The following MYT1 variants were observed in gnomAD, a reference collection of about 807,000 sequenced individuals.
The protein encoded by MYT1 is myelin transcription factor I.
MYT1 carries 23 observed loss-of-function variants against 123.0 expected under a neutral mutation model. The observed-to-expected ratio is 0.19, with a 90% CI of 0.13 to 0.26. The LOEUF is 0.26. Among genes scored for constraint, MYT1 ranks in the 10% least tolerant of loss-of-function variants. MYT1 has a pLI of 1.00. For missense variants in MYT1, 1,125 were observed against 1,472.5 expected, an observed-to-expected ratio of 0.76 and a Z score of 3.86; for synonymous variants, 518 against 575.3, an observed-to-expected ratio of 0.90 and a Z score of 1.43.
chr20:64,170,722 T>G (rs1287177566), intron 1 of MYT1, among the ~76,000 whole-genome samples: 1 of 150,894 alleles, frequency 6.6e-6, no homozygotes, highest in Non-Finnish European at 1.5e-5. Context: ...CCTCATTTTA[T>G]TTCCACGAAG....
rs866710042 is a variant in MYT1, at chr20:64,235,688, T to C, written c.2898-867T>C. On this transcript the variant is annotated intron_variant, in intron 19 of 22. Transcript: ENST00000328439. ...GCCGTGGTGGGTGACACTGGGCTGG[T>C]GGTGGTGGGTGACCCTTGGCTGGCC... 8.3e-3 allele frequency among the ~76,000 whole-genome samples: 480 copies of C among 57,942 alleles called. 4 individuals are homozygous for C. Among genetic ancestry groups the C allele is most frequent in the African/African-American group, 0.029 (386 of 13,280 alleles). The allele number at this position is 57,942 out of a possible 152,430, so 38.0% of individuals were successfully genotyped here. A position where few individuals can be genotyped will look rare whatever the true frequency, so the allele number is the denominator to read the frequency against.
At chr20:64,238,975 G>A (rs1403073927) in intron 21 of MYT1, among the ~76,000 whole-genome samples, 1 of 152,200 alleles carries the variant, frequency 6.6e-6, no homozygotes, top group Non-Finnish European at 1.5e-5. Context: ...TCACCAGGTG[G>A]CAGAAGAAGC....
At chr20:64,169,691 G>T (rs897803192) in intron 1 of MYT1, among the ~76,000 whole-genome samples, 9 of 152,194 alleles carry the variant, frequency 5.9e-5, no homozygotes, top group African/African-American at 2.2e-4. Context: ...ACAGAGATTT[G>T]AAATTGGGAC....
chr20:64,189,314 G>A lies in MYT1; in HGVS notation c.-98-749G>A, dbSNP rs1280866354. 2.0e-5 allele frequency among the ~76,000 whole-genome samples: 3 copies of A among 152,240 alleles called. No homozygotes were observed. Among genetic ancestry groups the A allele is most frequent in the African/African-American group, 7.2e-5 (3 of 41,454 alleles). On this transcript the variant is annotated intron_variant, in intron 1 of 22. Transcript: ENST00000328439. The surrounding 1 kb of genome is among the most constrained non-coding windows in gnomAD (Gnocchi z 5.5). ...AATGCTGCAGTTATGTAGAAAGCAG[G>A]TTGTCATGGAAACGGGGAGTGACGT...
Position 64,190,734 on chromosome 20 carries a change from T to G in MYT1, c.-1+574T>G, listed in dbSNP as rs913319667. Among the ~76,000 whole-genome samples, 1 of 144,874 alleles carries G rather than the reference T, an allele frequency of 6.9e-6. No homozygotes were observed. Among genetic ancestry groups the G allele is most frequent in the Admixed American group, 7.0e-5 (1 of 14,222 alleles). ...CTCTAATCCCAGCACTTTGGGAGGCTGAGGCAGGTGGATCACTTGAGGTCA... is the reference window on the plus strand; with the variant it reads ...CTCTAATCCCAGCACTTTGGGAGGCGGAGGCAGGTGGATCACTTGAGGTCA... On this transcript the variant is annotated intron_variant, in intron 2 of 22. Transcript: ENST00000328439. The surrounding 1 kb of genome is among the most constrained non-coding windows in gnomAD (Gnocchi z 4.1).
chr20:64,199,754 G>A, intron 3 of MYT1, 138 bp from the exon 4 acceptor site: 1 of 974,636 alleles, frequency 1.0e-6, no homozygotes, highest in Non-Finnish European at 1.6e-6. Context: ...TGGGGAAACG[G>A]CTCAGGTCTC....
chr20:64,169,759 C>G (rs374081880), intron 1 of MYT1, among the ~76,000 whole-genome samples: 2 of 152,136 alleles, frequency 1.3e-5, no homozygotes, highest in Non-Finnish European at 2.9e-5. Context: ...TCGAATGGAA[C>G]AAAAAATCTG....
rs1601714062 is a variant in MYT1, at chr20:64,208,656, G to A, written c.1291+169G>A. Reference sequence around the variant, plus strand: ...CTGTGGTCAGATACTGAGCAAATGGGTTCCCACACTGCTTTACATAGAGCG... The same window carrying A: ...CTGTGGTCAGATACTGAGCAAATGGATTCCCACACTGCTTTACATAGAGCG... On this transcript the variant is annotated intron_variant, in intron 7 of 22. Coordinates refer to ENST00000328439, the MANE Select transcript of MYT1 (RefSeq NM_004535.3). The surrounding 1 kb of genome is among the most constrained non-coding windows in gnomAD (Gnocchi z 5.4). Among the ~76,000 whole-genome samples, 1 of 152,182 alleles carries A rather than the reference G, an allele frequency of 6.6e-6. No homozygotes were observed. Among genetic ancestry groups the A allele is most frequent in the African/African-American group, 2.4e-5 (1 of 41,440 alleles).
chr20:64,230,816 G>C (rs1984298186), intron 18 of MYT1, among the ~76,000 whole-genome samples: 1 of 152,234 alleles, frequency 6.6e-6, no homozygotes, highest in African/African-American at 2.4e-5. Flanking sequence ...GGTGGGATGA[G>C]TAACAAAGGG....
In MYT1 at chr20:64,232,029, C is replaced by A. The variant is rs1264850779; in HGVS notation, c.2676-135C>A. 1.2e-6 allele frequency: 1 copy of A among 815,074 alleles called. No homozygotes were observed. Among genetic ancestry groups the A allele is most frequent in the Non-Finnish European group, 1.9e-6 (1 of 518,396 alleles). The allele number at this position is 815,074 out of a possible 1,614,324, so 50.5% of individuals were successfully genotyped here. A position where few individuals can be genotyped will look rare whatever the true frequency, so the allele number is the denominator to read the frequency against. ...CTTCCCTGAGGCTCCAGGACCTCAGCGGCCCTCCCTGCCTCACTCAGAAGC... is the reference window on the plus strand; with the variant it reads ...CTTCCCTGAGGCTCCAGGACCTCAGAGGCCCTCCCTGCCTCACTCAGAAGC... On this transcript the variant is annotated intron_variant, in intron 18 of 22. Coordinates refer to ENST00000328439, the MANE Select transcript of MYT1 (RefSeq NM_004535.3). This position sits in a 1 kb window ranked among gnomAD's most constrained non-coding sequence, Gnocchi z 6.9.
At chr20:64,198,606 C>T (rs1292624260) in intron 2 of MYT1, among the ~76,000 whole-genome samples, 1 of 152,218 alleles carries the variant, frequency 6.6e-6, no homozygotes, top group Non-Finnish European at 1.5e-5. Flanking sequence ...TGCACTGTAC[C>T]CTCCTTGCCA....
At chr20:64,187,266 C>A (rs1982837951) in intron 1 of MYT1, among the ~76,000 whole-genome samples, 1 of 142,792 alleles carries the variant, frequency 7.0e-6, no homozygotes, top group Non-Finnish European at 1.5e-5. Flanking sequence ...AGCCTGTGGC[C>A]CCGGCATCCA....
chr20:64,200,610 G>A (rs1403142157), intron 4 of MYT1, among the ~76,000 whole-genome samples: 1 of 152,194 alleles, frequency 6.6e-6, no homozygotes, highest in South Asian at 2.1e-4. Context: ...GGAGGACTAC[G>A]GGAGGGAGTT....
In MYT1 at chr20:64,240,622, C is replaced by A; in HGVS notation, c.*174C>A. The A allele has an allele frequency of 2.4e-6, 2 of 837,874 alleles. No homozygotes were observed. The highest frequency in any genetic ancestry group is 3.5e-6 in the Non-Finnish European group (2 of 563,424). 51.9% of individuals were successfully genotyped at this position (837,874 alleles called of 1,614,324 possible). A position where few individuals can be genotyped will look rare whatever the true frequency, so the allele number is the denominator to read the frequency against. On this transcript the variant is annotated 3_prime_UTR_variant, in exon 23 of 23. Coordinates refer to ENST00000328439, the MANE Select transcript of MYT1 (RefSeq NM_004535.3). ...ATTGGCCGCTCCCACGAGGCTCCCT[C>A]CAGGCTTGGGGCCGTGGTGGCCCTA...
rs188638360 is a variant in MYT1, at chr20:64,239,094, C to A, written c.3094-666C>A. Among the ~76,000 whole-genome samples the A allele has an allele frequency of 1.7e-3, 262 of 152,376 alleles. 1 individual carries two copies. Among genetic ancestry groups the A allele is most frequent in the Middle Eastern group, 3.4e-3 (1 of 294 alleles). On this transcript the variant is annotated intron_variant, in intron 21 of 22. Transcript: ENST00000328439. The stretch of plus-strand genomic sequence containing the variant: ...TAGCCTCTGCCCCCGTGGCTCCCTG[C>A]AGATGTGCAGTCAGGCTGGGGGCTA...
chr20:64,217,074 T>A lies in MYT1; in HGVS notation c.1639T>A (p.Cys547Ser). ...CCCTGTACTGCACCCCAGGCCCATGTGCTTCGTGAAGCAGCTCGAGGTCCC... is the reference window on the plus strand; with the variant it reads ...CCCTGTACTGCACCCCAGGCCCATGAGCTTCGTGAAGCAGCTCGAGGTCCC... ...SNSDRILRPM[C>S]FVKQLEVPPY... is the part of the protein sequence containing the mutation. Residue 547 changes from cysteine to serine, a missense_variant, in exon 11 of 23, where the codon TGC (cysteine) becomes AGC (serine). This residue lies in a region of MYT1 where 429 missense variants were observed against 604.1 expected (regional missense o/e 0.71). Coordinates refer to ENST00000328439, the MANE Select transcript of MYT1 (RefSeq NM_004535.3). The A allele has an allele frequency of 6.2e-7, 1 of 1,613,496 alleles. No individual in the cohort carries two copies. The highest frequency in any genetic ancestry group is 8.5e-7 in the Non-Finnish European group (1 of 1,179,930).
chr20:64,209,982 G>C (rs1358960023), intron 7 of MYT1, among the ~76,000 whole-genome samples: 1 of 152,204 alleles, frequency 6.6e-6, no homozygotes, highest in East Asian at 1.9e-4. Context: ...GGCACAAAGA[G>C]ACACAGGCTG....
intron 1 of MYT1, among the ~76,000 whole-genome samples, chr20:64,173,007 G>T (rs1353454840): frequency 1.3e-5 from 2 of 152,080 alleles, no homozygotes; most frequent in Non-Finnish European, 1.5e-5. Flanking sequence ...AGGATTACAG[G>T]CTTGAGCCAC....
rs1983895643 is a variant in MYT1 at position 64,218,140 on chromosome 20, T to C, written c.1847-771T>C. 6.6e-6 allele frequency among the ~76,000 whole-genome samples: 1 copy of C among 152,196 alleles called. No individual in the cohort carries two copies. Among genetic ancestry groups the C allele is most frequent in the South Asian group, 2.1e-4 (1 of 4,832 alleles). On this transcript the variant is annotated intron_variant, in intron 11 of 22. Transcript: ENST00000328439. The surrounding 1 kb of genome is among the most constrained non-coding windows in gnomAD (Gnocchi z 4.0). ...CTTTGACAGAACCTGCTCTTTAGGATGGAGGACTTCCTGCCTCCAGGCACA... is the reference window on the plus strand; with the variant it reads ...CTTTGACAGAACCTGCTCTTTAGGACGGAGGACTTCCTGCCTCCAGGCACA...
Sources: allele counts gnomAD v4.1 joint callset (sites outside exome capture counted in the v4.1 genomes callset), GRCh38; gene constraint gnomAD v4.1.1; regional missense constraint gnomAD v4.1.1; non-coding constraint Gnocchi (gnomAD v3.1); transcripts MANE v1.5; gene names NCBI Gene and HGNC (gene_info 2026-07-23, HGNC 2026-07-21).